Variants in DOP1A observed in about 807,000 individuals in gnomAD.
DOP1A encodes DOP1 leucine zipper like protein A, also known as protein DOP1A.
Under a neutral mutation model 267.6 loss-of-function variants are expected in DOP1A, and 90 were observed. The ratio of observed to expected loss-of-function variants is 0.34; its 90% CI spans 0.28 to 0.40. The LOEUF is 0.40. DOP1A is among the 10% of genes least tolerant of loss of function. DOP1A has a pLI of 1.00. For missense variants in DOP1A, 2,437 were observed against 2,900.4 expected (o/e 0.84, Z 3.67); for synonymous variants, 932 against 999.1 (o/e 0.93, Z 1.27).
At chr6:83,149,602 G>T (rs1781231196) in intron 27 of DOP1A, among the ~76,000 whole-genome samples, 1 of 152,142 alleles carries the variant, frequency 6.6e-6, no homozygotes, top group Admixed American at 6.5e-5. Context: ...AAAGAATGTG[G>T]TCTTGAAAGG....
rs745379807 is a variant in DOP1A at position 83,168,108 on chromosome 6, A to G, written c.7339A>G (p.Arg2447Gly). The change falls in exon 39 of 39, where the codon AGG (arginine) becomes GGG (glycine). Residue 2447 changes from arginine to glycine, a missense_variant. This residue lies in a region of DOP1A where 197 missense variants were observed against 246.5 expected (regional missense o/e 0.80). Coordinates refer to ENST00000349129, the MANE Select transcript of DOP1A (RefSeq NM_015018.4). ...CCACAAACCATGTTCCAGCAAAGCC[A>G]GGCAAAAAATAGAAGAGATGGTAGA... ...ENHKPCSSKA[R>G]QKIEEMVEKD... 1 of 1,614,146 alleles carries G rather than the reference A, an allele frequency of 6.2e-7. No homozygotes were observed. Among genetic ancestry groups the G allele is most frequent in the South Asian group, 1.1e-5 (1 of 91,056 alleles).
chr6:83,140,516 T>C lies in DOP1A; in HGVS notation c.5415+113T>C, dbSNP rs886660007. 5.5e-6 allele frequency: 5 copies of C among 903,142 alleles called. No homozygotes were observed. The African/African-American group carries it at 8.5e-5, about 15-fold the overall frequency. 55.9% of individuals were successfully genotyped at this position (903,142 alleles called of 1,614,324 possible). Reference sequence around the variant, plus strand: ...AGTATTTACAGGACTCTGCTAATTATCAAATAATTTTTAACAGTTTTCCTG... The same window carrying C: ...AGTATTTACAGGACTCTGCTAATTACCAAATAATTTTTAACAGTTTTCCTG... On this transcript the variant is annotated intron_variant, in intron 23 of 38. Transcript: ENST00000349129.
At chr6:83,164,649 T>C in intron 38 of DOP1A, 2 of 1,564,518 alleles carry the variant, frequency 1.3e-6, no homozygotes, top group Non-Finnish European at 1.7e-6. Flanking sequence ...TTCTCCTCTT[T>C]CCTTCCACAG....
chr6:83,161,901 T>C (rs546888841), intron 37 of DOP1A, among the ~76,000 whole-genome samples: 1 of 152,186 alleles, frequency 6.6e-6, no homozygotes, highest in Non-Finnish European at 1.5e-5. Context: ...TGTGGTACTT[T>C]GTAAGTGCAA....
chr6:83,077,009 CAGTTATAATAAAA>C (rs1182451315), intron 1 of DOP1A, among the ~76,000 whole-genome samples: 24 of 152,206 alleles, frequency 1.6e-4, no homozygotes, highest in African/African-American at 5.8e-4. Context: ...TGAAATAAGC[CAGTTATAATAAAA>C]AGACCCATAC....
chr6:83,162,486 T>C lies in DOP1A; in HGVS notation c.6963-304T>C, dbSNP rs1166873372. ...TAAGAACCTTATGCCTGTTCGCTAA[T>C]GAGAAAAGAAACATTTGTTGAGTAC... On this transcript the variant is annotated intron_variant, in intron 37 of 38. Coordinates refer to ENST00000349129, the MANE Select transcript of DOP1A (RefSeq NM_015018.4). 3.3e-5 allele frequency among the ~76,000 whole-genome samples: 5 copies of C among 151,988 alleles called. No individual in the cohort carries two copies. In the South Asian group the frequency reaches 6.2e-4, roughly 19 times the overall value.
At chr6:83,114,775 A>G (rs1775135619) in intron 7 of DOP1A, among the ~76,000 whole-genome samples, 1 of 152,120 alleles carries the variant, frequency 6.6e-6, no homozygotes, top group Non-Finnish European at 1.5e-5. Context: ...TGCCAGCCAA[A>G]ATGTTCTAGA....
intron 12 of DOP1A, among the ~76,000 whole-genome samples, chr6:83,124,072 A>C (rs1246670385): frequency 1.3e-5 from 2 of 151,876 alleles, no homozygotes. Flanking sequence ...ATGCCTCCAC[A>C]CTGTCACATT....
intron 1 of DOP1A, among the ~76,000 whole-genome samples, chr6:83,089,280 T>G (rs554728021): frequency 6.6e-6 from 1 of 152,372 alleles, no homozygotes; most frequent in East Asian, 1.9e-4. Context: ...TGAGATGGTA[T>G]GATACAATAT....
chr6:83,138,176 A>C lies in DOP1A; in HGVS notation c.4134A>C (p.Ser1378=). ...TCCTGTATCTCCAGTTGTATGATTC[A>C]TCCAGGACTTTGTATGCTTTCTCTG... ...HVLLYLQLYD[S]SRTLYAFSAI... Residue 1378 remains serine (S), a synonymous_variant, in exon 21 of 39, where the codon TCA becomes TCC. Coordinates refer to ENST00000349129, the MANE Select transcript of DOP1A (RefSeq NM_015018.4). 1 of 1,613,928 alleles carries C rather than the reference A, an allele frequency of 6.2e-7. No individual in the cohort carries two copies. The highest frequency in any genetic ancestry group is 8.5e-7 in the Non-Finnish European group (1 of 1,179,906).
In DOP1A at chr6:83,135,768, A is replaced by C; in HGVS notation, c.3020A>C (p.Gln1007Pro). 1 of 1,613,774 alleles carries C rather than the reference A, an allele frequency of 6.2e-7. No individual in the cohort carries two copies. Among genetic ancestry groups the C allele is most frequent in the Non-Finnish European group, 8.5e-7 (1 of 1,179,726 alleles). ...LLLLLLHPKT[Q>P]RVSVQRVQAE... is the part of the protein sequence containing the mutation. The stretch of plus-strand genomic sequence containing the variant: ...TTGCTCCTGCTTCATCCAAAAACTC[A>C]GAGGGTTTCAGTACAGCGTGTACAA... The change falls in exon 20 of 39, where the codon CAG (glutamine) becomes CCG (proline). Residue 1007 changes from glutamine to proline, a missense_variant. Coordinates refer to ENST00000349129, the MANE Select transcript of DOP1A (RefSeq NM_015018.4).
chr6:83,152,927 G>T (rs1782010026), intron 30 of DOP1A, among the ~76,000 whole-genome samples: 1 of 152,026 alleles, frequency 6.6e-6, no homozygotes, highest in South Asian at 2.1e-4. Context: ...CTGGGGAGGG[G>T]TGGAGGTGAT....
intron 3 of DOP1A, 59 bp downstream of exon 3, chr6:83,097,174 T>C: frequency 6.5e-7 from 1 of 1,536,050 alleles, no homozygotes; most frequent in South Asian, 1.2e-5. Context: ...GTGTTTGTAC[T>C]TGTTAGATTT....
chr6:83,161,810 C>A (rs912348139), intron 37 of DOP1A, among the ~76,000 whole-genome samples: 1 of 152,106 alleles, frequency 6.6e-6, no homozygotes, highest in African/African-American at 2.4e-5. Context: ...GCCTATAATT[C>A]TGCTACATCC....
chr6:83,075,698 C>T (rs78711081), intron 1 of DOP1A, among the ~76,000 whole-genome samples: 2,920 of 152,196 alleles, frequency 0.019, 104 homozygotes, highest in African/African-American at 0.066. Context: ...CTAGTTTATA[C>T]GGTCCAACAG....
chr6:83,125,616 A>T lies in DOP1A; in HGVS notation c.1602A>T (p.Arg534Ser). The T allele has an allele frequency of 1.2e-6, 2 of 1,613,794 alleles. No individual in the cohort carries two copies. The highest frequency in any genetic ancestry group is 1.7e-6 in the Non-Finnish European group (2 of 1,179,808). Residue 534 changes from arginine to serine, a missense_variant, in exon 15 of 39, where the codon AGA becomes AGT. Coordinates refer to ENST00000349129, the MANE Select transcript of DOP1A (RefSeq NM_015018.4). ...TATCTGAACTCACAGATTCTCTCAG[A>T]CTCTGCTCAAAGATCCTTAGCAAGG... ...LHLSELTDSLRLCSKILSKVQ... is the reference protein window; with the variant it reads ...LHLSELTDSLSLCSKILSKVQ...
In DOP1A at chr6:83,137,830, G is replaced by A; in HGVS notation, c.3788G>A (p.Arg1263Lys). 12 of 1,613,734 alleles carry A rather than the reference G, an allele frequency of 7.4e-6. No individual in the cohort carries two copies. Among genetic ancestry groups the A allele is most frequent in the Non-Finnish European group, 1.0e-5 (12 of 1,179,850 alleles). The change falls in exon 21 of 39, where the codon AGG (arginine) becomes AAG (lysine). Residue 1263 changes from arginine to lysine, a missense_variant. Transcript: ENST00000349129. ...TCCATAGAAACCAAATCTAGACAAA[G>A]GAGTCACAGTAGTATTCAATTCAGC... is the stretch of plus-strand genomic sequence containing the variant. The part of the protein sequence containing the change: ...VASIETKSRQ[R>K]SHSSIQFSFK...
At chr6:83,102,946 A>C (rs1486339212) in intron 4 of DOP1A, among the ~76,000 whole-genome samples, 1 of 152,148 alleles carries the variant, frequency 6.6e-6, no homozygotes, top group African/African-American at 2.4e-5. Context: ...TTTCTTTGCT[A>C]TTCTCTTGCC....
At position 83,135,826 on chromosome 6, in the gene DOP1A, T is replaced by C; in HGVS notation, c.3078T>C (p.Tyr1026=). The C allele has an allele frequency of 1.2e-6, 2 of 1,613,670 alleles. No individual in the cohort carries two copies. Among genetic ancestry groups the C allele is most frequent in the African/African-American group, 1.3e-5 (1 of 75,024 alleles). The change falls in exon 20 of 39, where the codon TAT becomes TAC. Residue 1026 remains tyrosine (Y), a synonymous_variant. Coordinates refer to ENST00000349129, the MANE Select transcript of DOP1A (RefSeq NM_015018.4). ...GTTATTGGAATAAGTCTCCCTGTTA[T>C]CCAGGAGAGGAGAGTGACAAGCATT... is the stretch of plus-strand genomic sequence containing the variant. ...AERYWNKSPC[Y]PGEESDKHFM...
Sources: allele counts gnomAD v4.1 joint callset (sites outside exome capture counted in the v4.1 genomes callset), GRCh38; gene constraint gnomAD v4.1.1; regional missense constraint gnomAD v4.1.1; transcripts MANE v1.5; gene names NCBI Gene and HGNC (gene_info 2026-07-23, HGNC 2026-07-21).